Variants in PTPRD observed in about 807,000 individuals in gnomAD.
PTPRD encodes the protein protein tyrosine phosphatase receptor type D.
PTPRD carries 34 observed loss-of-function variants against 214.5 expected under a neutral mutation model. The ratio of observed to expected loss-of-function variants is 0.16; its 90% CI spans 0.12 to 0.21. The LOEUF (loss-of-function observed/expected upper bound fraction) is 0.21. Among genes scored for constraint, PTPRD ranks in the 10% least tolerant of loss-of-function variants. PTPRD has a pLI of 1.00. For synonymous variants in PTPRD, 1,128 were observed against 845.7 expected (o/e 1.33, Z -5.79); for missense variants, 2,545 against 2,398.7 (o/e 1.06, Z -1.27).
At chr9:9,513,359 T>C (rs1346050245) in intron 8 of PTPRD, among the ~76,000 whole-genome samples, 1 of 152,026 alleles carries the variant, frequency 6.6e-6, no homozygotes, top group Non-Finnish European at 1.5e-5. Context: ...AATTGATTAC[T>C]TTCCTATGTG....
intron 44 of PTPRD, among the ~76,000 whole-genome samples, chr9:8,331,039 A>AATGCTCTAGAAAC (rs1840114200): frequency 6.8e-6 from 1 of 147,618 alleles, no homozygotes; most frequent in Non-Finnish European, 1.5e-5. Flanking sequence ...TGAGTTATAA[A>AATGCTCTAGAAAC]ATGCTCTAGA....
rs67735335 is a variant in PTPRD at position 9,613,135 on chromosome 9, C to CAT, written c.-286-38356_-286-38355dup. Among the ~76,000 whole-genome samples the CAT allele has an allele frequency of 1.1e-3, 52 of 47,894 alleles. 1 individual carries two copies. Among genetic ancestry groups the CAT allele is most frequent in the African/African-American group, 3.5e-3 (40 of 11,466 alleles). The allele number at this position is 47,894 out of a possible 152,430, so 31.4% of individuals were successfully genotyped here. A position where few individuals can be genotyped will look rare whatever the true frequency, so the allele number is the denominator to read the frequency against. On this transcript the variant is annotated intron_variant, in intron 7 of 45. Transcript: ENST00000381196. ...AGCTAGGCTGCAGTATACATACATACATATATATATATATATATATATATA... is the reference window on the plus strand; with the variant it reads ...AGCTAGGCTGCAGTATACATACATACATATATATATATATATATATATATATA...
At chr9:9,793,439 A>G (rs1025446460) in intron 5 of PTPRD, among the ~76,000 whole-genome samples, 1 of 152,156 alleles carries the variant, frequency 6.6e-6, no homozygotes, top group Non-Finnish European at 1.5e-5. Context: ...ATGTATTAAA[A>G]TGCCCACACA....
chr9:9,320,659 G>C (rs1443623485), intron 9 of PTPRD, among the ~76,000 whole-genome samples: 1 of 152,040 alleles, frequency 6.6e-6, no homozygotes, highest in Non-Finnish European at 1.5e-5. Flanking sequence ...AGTGACCAAT[G>C]AGTCATAAGA....
intron 9 of PTPRD, among the ~76,000 whole-genome samples, chr9:9,259,528 C>A (rs545388060): frequency 6.6e-6 from 1 of 151,860 alleles, no homozygotes; most frequent in East Asian, 2.0e-4. Flanking sequence ...TCAGTCACTC[C>A]GGCCTGAAAT....
At chr9:9,522,327 G>C (rs1306954204) in intron 8 of PTPRD, among the ~76,000 whole-genome samples, 2 of 152,070 alleles carry the variant, frequency 1.3e-5, no homozygotes, top group Non-Finnish European at 2.9e-5. Flanking sequence ...TCTAGCTAAA[G>C]CCCATAGTAG....
At chr9:10,181,034 G>A (rs1389668912) in intron 3 of PTPRD, among the ~76,000 whole-genome samples, 2 of 151,994 alleles carry the variant, frequency 1.3e-5, no homozygotes, top group Non-Finnish European at 2.9e-5. Context: ...CTACTGTGTA[G>A]CACAGAACTG....
chr9:9,798,410 A>C (rs10116692), intron 5 of PTPRD, among the ~76,000 whole-genome samples: 1 of 151,910 alleles, frequency 6.6e-6, no homozygotes, highest in East Asian at 1.9e-4. Context: ...AAAAAGGATA[A>C]GATCTAATGG....
chr9:10,292,676 C>T (rs539017700), intron 3 of PTPRD, among the ~76,000 whole-genome samples: 3 of 151,862 alleles, frequency 2.0e-5, no homozygotes, highest in African/African-American at 7.2e-5. Flanking sequence ...AAAAACATCC[C>T]TTTTTTGTTC....
At chr9:9,360,710 T>C (rs191361723) in intron 9 of PTPRD, among the ~76,000 whole-genome samples, 10 of 151,180 alleles carry the variant, frequency 6.6e-5, no homozygotes, top group African/African-American at 2.2e-4. Flanking sequence ...GTTATTTTCA[T>C]TGTATTATAT....
At chr9:9,099,169 G>A (rs969158118) in intron 10 of PTPRD, among the ~76,000 whole-genome samples, 3 of 152,132 alleles carry the variant, frequency 2.0e-5, no homozygotes, top group South Asian at 4.1e-4. Flanking sequence ...CACAGAGCAG[G>A]CCATGTACAC....
At chr9:9,341,124 G>GTATA (rs58244188) in intron 9 of PTPRD, among the ~76,000 whole-genome samples, 145 of 150,412 alleles carry the variant, frequency 9.6e-4, no homozygotes, top group African/African-American at 2.7e-3. Context: ...ATATTTATGT[G>GTATA]TATATATATA....
chr9:9,075,175 G>T (rs1218640007), intron 10 of PTPRD, among the ~76,000 whole-genome samples: 4 of 151,904 alleles, frequency 2.6e-5, no homozygotes, highest in African/African-American at 9.7e-5. Context: ...TGCATACATA[G>T]TAGGTGTATA....
intron 10 of PTPRD, among the ~76,000 whole-genome samples, chr9:9,154,830 C>G (rs2099879844): frequency 6.6e-6 from 1 of 152,064 alleles, no homozygotes; most frequent in African/African-American, 2.4e-5. Context: ...AAAATCATTT[C>G]CTATATTTTA....
At chr9:8,689,220 AAAT>A (rs2097755570) in intron 12 of PTPRD, among the ~76,000 whole-genome samples, 1 of 152,232 alleles carries the variant, frequency 6.6e-6, no homozygotes, top group Non-Finnish European at 1.5e-5. Flanking sequence ...TAAAAAATAA[AAAT>A]AAAAAATAAA....
At chr9:10,542,382 T>C (rs993083863) in intron 2 of PTPRD, among the ~76,000 whole-genome samples, 5 of 152,170 alleles carry the variant, frequency 3.3e-5, no homozygotes, top group African/African-American at 9.6e-5. Flanking sequence ...GTACAAAACA[T>C]AAATCTTAAA....
chr9:9,727,726 T>G (rs1400278478), intron 7 of PTPRD, among the ~76,000 whole-genome samples: 1 of 152,126 alleles, frequency 6.6e-6, no homozygotes, highest in African/African-American at 2.4e-5. Flanking sequence ...GAAATGAAAC[T>G]TGCCGTCTTG....
chr9:8,630,766 G>T (rs138311009), intron 14 of PTPRD, among the ~76,000 whole-genome samples: 3 of 151,842 alleles, frequency 2.0e-5, no homozygotes, highest in African/African-American at 7.2e-5. Flanking sequence ...CAGAGGAGAT[G>T]ATGAAACTCC....
intron 7 of PTPRD, among the ~76,000 whole-genome samples, chr9:9,636,398 T>C (rs2095767386): frequency 1.3e-5 from 2 of 152,338 alleles, no homozygotes; most frequent in African/African-American, 2.4e-5. Flanking sequence ...ATAATTACTT[T>C]AGATCAAACA....
Sources: gnomAD v4.1 joint callset for allele counts (sites outside exome capture counted in the v4.1 genomes callset) on GRCh38, gnomAD v4.1.1 for gene constraint, MANE v1.5 for transcripts, NCBI Gene and HGNC (gene_info 2026-07-23, HGNC 2026-07-21) for gene names.